Variants in MAPKAP1 observed in about 807,000 individuals in gnomAD.
MAPKAP1 encodes target of rapamycin complex 2 subunit MAPKAP1.
A neutral mutation model predicts 65.7 loss-of-function variants in MAPKAP1; 20 were observed. The ratio of observed to expected loss-of-function variants is 0.30; its 90% confidence interval spans 0.21 to 0.44. The LOEUF (loss-of-function observed/expected upper bound fraction) is 0.44. Among genes scored for constraint, MAPKAP1 ranks in the 20% least tolerant of loss-of-function variants. MAPKAP1 has a pLI of 1.00. For synonymous variants in MAPKAP1, 222 were observed against 244.3 expected, an observed-to-expected ratio of 0.91 and a Z score of 0.85; for missense variants, 423 against 648.0, an observed-to-expected ratio of 0.65 and a Z score of 3.77.
chr9:125,513,658 C>T (rs978944261), intron 7 of MAPKAP1, among the ~76,000 whole-genome samples: 4 of 152,170 alleles, frequency 2.6e-5, no homozygotes, highest in African/African-American at 7.2e-5. Flanking sequence ...GCAAAGTGCT[C>T]GGTCAATGAG....
chr9:125,698,307 ATATATATATATATATATATATATATAT>A (rs1835479767), intron 1 of MAPKAP1, among the ~76,000 whole-genome samples: 1 of 53,224 alleles, frequency 1.9e-5, no homozygotes, highest in Non-Finnish European at 3.4e-5. Context: ...ATATATATAT[ATATATATATATATATATATATATATAT>A]ATAAAATATA....
chr9:125,486,787 G>C lies in MAPKAP1; in HGVS notation c.1067-2204C>G, dbSNP rs150229952. On this transcript the variant is annotated intron_variant, in intron 8 of 11. Coordinates refer to ENST00000265960, the MANE Select transcript of MAPKAP1 (RefSeq NM_001006617.3). The stretch of plus-strand genomic sequence containing the variant: ...TGCACATGCTGTCCTCTCTGCCCAG[G>C]TCACCCTTCTCCCCATCTCATTCTC... Among the ~76,000 whole-genome samples, 682 of 151,976 alleles carry C rather than the reference G, an allele frequency of 4.5e-3. 4 individuals are homozygous for C. Among genetic ancestry groups the C allele is most frequent in the African/African-American group, 0.015 (640 of 41,428 alleles).
chr9:125,442,646 G>C (rs752093449), intron 11 of MAPKAP1, among the ~76,000 whole-genome samples: 1 of 152,096 alleles, frequency 6.6e-6, no homozygotes, highest in Non-Finnish European at 1.5e-5. Context: ...GCTCCAGTGG[G>C]TAACTCGAAG....
At chr9:125,666,315 CTCT>C (rs1834339020) in intron 3 of MAPKAP1, among the ~76,000 whole-genome samples, 1 of 152,158 alleles carries the variant, frequency 6.6e-6, no homozygotes, top group Non-Finnish European at 1.5e-5. Flanking sequence ...CCTCTATCTC[CTCT>C]ATGAAAAGGC....
At chr9:125,606,315 C>A (rs1832438784) in intron 4 of MAPKAP1, among the ~76,000 whole-genome samples, 1 of 152,014 alleles carries the variant, frequency 6.6e-6, no homozygotes, top group Admixed American at 6.6e-5. Flanking sequence ...GGATAACATA[C>A]CAAAATATGC....
chr9:125,631,684 A>G (rs1261083097), intron 4 of MAPKAP1, among the ~76,000 whole-genome samples: 1 of 152,308 alleles, frequency 6.6e-6, no homozygotes, highest in South Asian at 2.1e-4. Context: ...CTTCTTGATC[A>G]AGCCTCGTCT....
intron 3 of MAPKAP1, among the ~76,000 whole-genome samples, chr9:125,669,585 C>T (rs967088476): frequency 6.6e-6 from 1 of 152,004 alleles, no homozygotes; most frequent in Non-Finnish European, 1.5e-5. Context: ...TAAAAAATGT[C>T]CCCTGCACAC....
At chr9:125,688,866 G>A (rs1177771791) in intron 1 of MAPKAP1, among the ~76,000 whole-genome samples, 1 of 152,100 alleles carries the variant, frequency 6.6e-6, no homozygotes, top group Admixed American at 6.5e-5. Context: ...AGTAAGAGGT[G>A]GAGTCAGGAT....
At chr9:125,636,982 A>T (rs1243405794) in intron 4 of MAPKAP1, among the ~76,000 whole-genome samples, 1 of 152,206 alleles carries the variant, frequency 6.6e-6, no homozygotes, top group Admixed American at 6.5e-5. Context: ...AATTTATTGC[A>T]AACTGGCCAG....
chr9:125,519,652 T>TTATATATATATATATATATATATATATA (rs146480033), intron 7 of MAPKAP1, among the ~76,000 whole-genome samples: 20 of 141,702 alleles, frequency 1.4e-4, no homozygotes, highest in Admixed American at 8.1e-4. Flanking sequence ...TATATGTCTT[T>TTATATATATATATATATATATATATATA]TATATATATA....
In MAPKAP1 at chr9:125,698,316, T is replaced by TATATATAAA. The variant is rs1835484875; in HGVS notation, c.-70+8654_-70+8655insTTTATATAT. Among the ~76,000 whole-genome samples, 3 of 86,636 alleles carry TATATATAAA rather than the reference T, an allele frequency of 3.5e-5. No individual in the cohort carries two copies. In the South Asian group the frequency reaches 9.3e-4, roughly 27 times the overall value. 56.8% of individuals were successfully genotyped at this position (86,636 alleles called of 152,430 possible). A position where few individuals can be genotyped will look rare whatever the true frequency, so the allele number is the denominator to read the frequency against. ...ATATATATATATATATATATATATATATATATATATATATATATATAAAAT... is the reference window on the plus strand; with the variant it reads ...ATATATATATATATATATATATATATATATATAAAATATATATATATATATATATAAAAT... On this transcript the variant is annotated intron_variant, in intron 1 of 11. Transcript: ENST00000265960.
chr9:125,556,458 C>A (rs1347195894), intron 6 of MAPKAP1, among the ~76,000 whole-genome samples: 1 of 152,222 alleles, frequency 6.6e-6, no homozygotes, highest in African/African-American at 2.4e-5. Context: ...GGCCTAAGAA[C>A]AATATTGCTC....
chr9:125,698,311 ATATATATATATATATATATATAT>A (rs1564622521), intron 1 of MAPKAP1, among the ~76,000 whole-genome samples: 1 of 52,448 alleles, frequency 1.9e-5, no homozygotes, highest in Non-Finnish European at 3.9e-5. Context: ...ATATATATAT[ATATATATATATATATATATATAT>A]ATAAAATATA....
At chr9:125,448,462 AGAACACCT>A (rs1331768401) in intron 10 of MAPKAP1, among the ~76,000 whole-genome samples, 1 of 152,216 alleles carries the variant, frequency 6.6e-6, no homozygotes, top group Non-Finnish European at 1.5e-5. Flanking sequence ...ACTGAACAAA[AGAACACCT>A]GTTATCAGAT....
chr9:125,693,694 T>TAC lies in MAPKAP1; in HGVS notation c.-70+13275_-70+13276dup, dbSNP rs1181775438. 1.7e-4 allele frequency among the ~76,000 whole-genome samples: 21 copies of TAC among 123,898 alleles called. 1 individual carries two copies. Among genetic ancestry groups the TAC allele is most frequent in the African/African-American group, 7.1e-4 (19 of 26,916 alleles). The allele number at this position is 123,898 out of a possible 152,430, so 81.3% of individuals were successfully genotyped here. A position where few individuals can be genotyped will look rare whatever the true frequency, so the allele number is the denominator to read the frequency against. Reference sequence around the variant, plus strand: ...ATACACGTATATATACACGTATATATACACGTATATATACACATATATACA... The same window carrying TAC: ...ATACACGTATATATACACGTATATATACACACGTATATATACACATATATACA... On this transcript the variant is annotated intron_variant, in intron 1 of 11. Transcript: ENST00000265960.
rs554905735 is a variant in MAPKAP1 at position 125,499,495 on chromosome 9, C to G, written c.1066+6815G>C. 1.5e-4 allele frequency among the ~76,000 whole-genome samples: 23 copies of G among 152,262 alleles called. No individual in the cohort carries two copies. In the South Asian group the frequency reaches 4.8e-3, roughly 32 times the overall value. ...GTGCTGGTAGGGCTTCATTTATTAA[C>G]ACAGTGATTTTGACTCAGAGCGTCA... On this transcript the variant is annotated intron_variant, in intron 8 of 11. Coordinates refer to ENST00000265960, the MANE Select transcript of MAPKAP1 (RefSeq NM_001006617.3).
At chr9:125,625,532 C>T (rs565082503) in intron 4 of MAPKAP1, among the ~76,000 whole-genome samples, 1 of 152,150 alleles carries the variant, frequency 6.6e-6, no homozygotes, top group Non-Finnish European at 1.5e-5. Flanking sequence ...TGGCAGCTCA[C>T]GCCTGTAATC....
intron 7 of MAPKAP1, among the ~76,000 whole-genome samples, chr9:125,527,242 AT>A (rs1215536319): frequency 1.1e-4 from 16 of 151,836 alleles, no homozygotes; most frequent in African/African-American, 3.9e-4. Flanking sequence ...AATTTTTTGT[AT>A]TTTTAGTAGA....
chr9:125,518,576 A>G (rs979439170), intron 7 of MAPKAP1, among the ~76,000 whole-genome samples: 1 of 152,186 alleles, frequency 6.6e-6, no homozygotes, highest in African/African-American at 2.4e-5. Context: ...AGGCTGAGGC[A>G]GGAGGACTGC....
Sources: gnomAD v4.1 joint callset for allele counts (sites outside exome capture counted in the v4.1 genomes callset) on GRCh38, gnomAD v4.1.1 for gene constraint, MANE v1.5 for transcripts, NCBI Gene and HGNC (gene_info 2026-07-23, HGNC 2026-07-21) for gene names.